The following COL3A1 variants were observed in gnomAD, a reference collection of about 807,000 sequenced individuals.
The protein encoded by COL3A1 is collagen alpha-1(III) chain.
Under a neutral mutation model 200.9 loss-of-function variants are expected in COL3A1, and 46 were observed. That is an observed-to-expected ratio of 0.23 (90% confidence interval 0.18 to 0.29). The LOEUF (loss-of-function observed/expected upper bound fraction) is 0.29, where lower values mean the gene tolerates loss of function less well. COL3A1 is among the 10% of genes least tolerant of loss of function. The pLI is 1.00. For missense variants in COL3A1, 1,367 were observed against 1,917.6 expected, an observed-to-expected ratio of 0.71 and a Z score of 5.36; for synonymous variants, 650 against 628.0, an observed-to-expected ratio of 1.03 and a Z score of -0.52.
In COL3A1 at chr2:188,987,136, A is replaced by G; in HGVS notation, c.525A>G (p.Pro175=). The change falls in exon 5 of 51, where the codon CCA becomes CCG. Residue 175 remains proline, a synonymous_variant. Transcript: ENST00000304636. ...GAGGACTCGCAGGCTATCCTGGACC[A>G]GCTGTACGTACAAATGTTTCTCAGC... The part of the protein sequence containing the change: ...AVGGLAGYPG[P]AGPPGPPGPP... 6.2e-7 allele frequency: 1 copy of G among 1,611,052 alleles called. No individual in the cohort carries two copies. Among genetic ancestry groups the G allele is most frequent in the Non-Finnish European group, 8.5e-7 (1 of 1,177,546 alleles).
chr2:188,975,426 T>C (rs1182403381), intron 1 of COL3A1, among the ~76,000 whole-genome samples: 1 of 152,204 alleles, frequency 6.6e-6, no homozygotes, highest in Non-Finnish European at 1.5e-5. Context: ...TCTCATTATT[T>C]ATGTGAAAAT....
At chr2:189,002,900 C>G in intron 35 of COL3A1, 55 bp from the exon 36 acceptor site, 2 of 1,241,358 alleles carry the variant, frequency 1.6e-6, no homozygotes, top group East Asian at 2.5e-5. Flanking sequence ...TAATAATAAG[C>G]CAATTGTATC....
At chr2:188,988,966 ATATAGT>A (rs903489923) in intron 7 of COL3A1, among the ~76,000 whole-genome samples, 1 of 151,810 alleles carries the variant, frequency 6.6e-6, no homozygotes, top group African/African-American at 2.4e-5. Flanking sequence ...CTACTGATAA[ATATAGT>A]TATATATTTA....
chr2:189,008,965 TCCTGGTGCC>T lies in COL3A1; in HGVS notation c.3574_3582del (p.Ala1192_Gly1194del), dbSNP rs2153504077. ...CAGGGCAACCAGGCCCTCCTGGACC[TCCTGGTGCC>T]CCTGGTCCTTGCTGTGGTGGTGTTG... On this transcript the variant is annotated inframe_deletion, in exon 48 of 51. Transcript: ENST00000304636. 5 of 1,614,176 alleles carry T rather than the reference TCCTGGTGCC, an allele frequency of 3.1e-6. No individual in the cohort carries two copies. The highest frequency in any genetic ancestry group is 4.2e-6 in the Non-Finnish European group (5 of 1,180,028).
rs1485515217 is a variant in COL3A1, at chr2:188,982,959, C to CGT, written c.80-1801_80-1800insGT. On this transcript the variant is annotated intron_variant, in intron 1 of 50. Coordinates refer to ENST00000304636, the MANE Select transcript of COL3A1 (RefSeq NM_000090.4). ...AAAATGAGTTTAATGCATAGACTCA[C>CGT]CTGTTATTACTCTTCACACCAATGT... Among the ~76,000 whole-genome samples, 9 of 139,210 alleles carry CGT rather than the reference C, an allele frequency of 6.5e-5. No homozygotes were observed. In the East Asian group the frequency reaches 1.7e-3, roughly 26 times the overall value. The allele number at this position is 139,210 out of a possible 152,430, so 91.3% of individuals were successfully genotyped here. A position where few individuals can be genotyped will look rare whatever the true frequency, so the allele number is the denominator to read the frequency against.
chr2:188,995,483 T>C, intron 21 of COL3A1: 1 of 560,170 alleles, frequency 1.8e-6, no homozygotes, highest in Non-Finnish European at 3.2e-6. Context: ...ACTGTTTTAT[T>C]AAGCATGTGA....
chr2:189,003,135 C>G, intron 36 of COL3A1, 73 bp downstream of exon 36: 3 of 1,181,814 alleles, frequency 2.5e-6, no homozygotes, highest in Non-Finnish European at 3.7e-6. Context: ...CTATCTCTCC[C>G]TCTCTCTCTC....
At position 188,994,708 on chromosome 2, in the gene COL3A1, C is replaced by T; in HGVS notation, c.1348-16C>T. On this transcript the variant is annotated splice_polypyrimidine_tract_variant and intron_variant, in intron 19 of 50. Transcript: ENST00000304636. The surrounding 1 kb of genome is among the most constrained non-coding windows in gnomAD (Gnocchi z 4.5). ...AGTCATAATTTCTTTATTTTACCAT[C>T]TTTTTTTTTTTTCAGGGTGAGGCTG... The T allele has an allele frequency of 7.4e-7, 1 of 1,352,668 alleles. No homozygotes were observed. The highest frequency in any genetic ancestry group is 1.0e-6 in the Non-Finnish European group (1 of 974,116). The allele number at this position is 1,352,668 out of a possible 1,614,324, so 83.8% of individuals were successfully genotyped here.
Position 189,004,292 on chromosome 2 carries a change from T to G in COL3A1, c.2859T>G (p.Thr953=). Residue 953 remains threonine (T), a synonymous_variant, in exon 40 of 51, where the codon ACT becomes ACG. Coordinates refer to ENST00000304636, the MANE Select transcript of COL3A1 (RefSeq NM_000090.4). ...APGPLGIAGI[T]GARGLAGPPG... ...GCCCACTTGGGATTGCTGGGATCAC[T>G]GGAGCACGGGGTCTTGCAGGACCAC... is the stretch of plus-strand genomic sequence containing the variant. 1 of 1,607,950 alleles carries G rather than the reference T, an allele frequency of 6.2e-7. No individual in the cohort carries two copies. The highest frequency in any genetic ancestry group is 1.1e-5 in the South Asian group (1 of 89,126).
chr2:189,006,840 C>A, intron 43 of COL3A1, 97 bp from the exon 44 acceptor site: 1 of 1,224,288 alleles, frequency 8.2e-7, no homozygotes, highest in Non-Finnish European at 1.2e-6. Context: ...TACTATAATT[C>A]TATTATAATG....
chr2:188,976,292 G>A (rs1284787353), intron 1 of COL3A1, among the ~76,000 whole-genome samples: 1 of 151,864 alleles, frequency 6.6e-6, no homozygotes, highest in Non-Finnish European at 1.5e-5. Context: ...TTAGTGGGGG[G>A]GTGTTTGCCA....
In COL3A1 at chr2:188,994,679, A is replaced by G. The variant is rs766465956; in HGVS notation, c.1348-45A>G. On this transcript the variant is annotated intron_variant, in intron 19 of 50. Transcript: ENST00000304636. This position sits in a 1 kb window ranked among gnomAD's most constrained non-coding sequence, Gnocchi z 4.5. ...TAAACAGGTAAAAACTTTGAACTAA[A>G]TTCAGTCATAATTTCTTTATTTTAC... is the stretch of plus-strand genomic sequence containing the variant. The G allele has an allele frequency of 6.2e-7, 1 of 1,611,860 alleles. No homozygotes were observed. Among genetic ancestry groups the G allele is most frequent in the Non-Finnish European group, 8.5e-7 (1 of 1,178,418 alleles).
intron 40 of COL3A1, among the ~76,000 whole-genome samples, chr2:189,005,136 C>T (rs574540931): frequency 6.6e-6 from 1 of 152,248 alleles, no homozygotes; most frequent in East Asian, 1.9e-4. Context: ...TGTAACTATT[C>T]AGCCCTTTGC....
intron 1 of COL3A1, among the ~76,000 whole-genome samples, chr2:188,979,988 T>C (rs976481057): frequency 6.6e-6 from 1 of 151,608 alleles, no homozygotes; most frequent in African/African-American, 2.4e-5. Flanking sequence ...GCAAAATAGA[T>C]ATTCAAACTA....
At chr2:188,997,131 G>C in intron 24 of COL3A1, 34 bp from the exon 25 acceptor site, 1 of 1,600,768 alleles carries the variant, frequency 6.2e-7, no homozygotes, top group Non-Finnish European at 8.5e-7. Context: ...ATTGCCCTTT[G>C]AGGATTAGTA....
rs1193108024 is a variant in COL3A1, at chr2:188,994,582, A to G, written c.1335A>G (p.Pro445=). The change falls in exon 19 of 51, where the codon CCA becomes CCG. Residue 445 remains proline, a synonymous_variant. Transcript: ENST00000304636. This position sits in a 1 kb window ranked among gnomAD's most constrained non-coding sequence, Gnocchi z 4.5. ...ATGGTGCCAAAGGAGAGCCCGGACC[A>G]CGTGGTGAACGCGTAAGTTTTACTG... ...GKNGAKGEPG[P]RGERGEAGIP... 2 of 1,614,178 alleles carry G rather than the reference A, an allele frequency of 1.2e-6. No homozygotes were observed. Among genetic ancestry groups the G allele is most frequent in the Non-Finnish European group, 1.7e-6 (2 of 1,180,022 alleles).
Position 188,996,024 on chromosome 2 carries a change from T to G in COL3A1, c.1609-101T>G, listed in dbSNP as rs1056314886. Reference sequence around the variant, plus strand: ...GAAAAAAGATGTGCAAATCTGAGGCTTCACATGTAAGTGAAAATATCAAAA... The same window carrying G: ...GAAAAAAGATGTGCAAATCTGAGGCGTCACATGTAAGTGAAAATATCAAAA... On this transcript the variant is annotated intron_variant, in intron 22 of 50. Coordinates refer to ENST00000304636, the MANE Select transcript of COL3A1 (RefSeq NM_000090.4). 13 of 1,223,930 alleles carry G rather than the reference T, an allele frequency of 1.1e-5. No homozygotes were observed. In the Admixed American group the frequency reaches 1.6e-4, roughly 15 times the overall value. 75.8% of individuals were successfully genotyped at this position (1,223,930 alleles called of 1,614,324 possible).
intron 14 of COL3A1, 57 bp downstream of exon 14, chr2:188,992,285 G>A: frequency 6.7e-7 from 1 of 1,487,118 alleles, no homozygotes; most frequent in Non-Finnish European, 9.4e-7. Flanking sequence ...ATGGATTGTG[G>A]ATTATTTAAT....
chr2:188,995,753 C>T lies in COL3A1; in HGVS notation c.1571C>T (p.Pro524Leu), dbSNP rs1440329786. Residue 524 changes from proline to leucine, a missense_variant, in exon 22 of 51, where the codon CCT becomes CTT. Around this residue, in one of 5 missense-constraint regions of COL3A1, gnomAD observed 462 missense variants for 681.4 expected, o/e 0.68. Transcript: ENST00000304636. Reference sequence around the variant, plus strand: ...GGGCCCAGAGGAGCTGCTGGAGAACCTGGCAGAGATGGCGTCCCTGGAGGT... The same window carrying T: ...GGGCCCAGAGGAGCTGCTGGAGAACTTGGCAGAGATGGCGTCCCTGGAGGT... ...PAGPRGAAGE[P>L]GRDGVPGGPG... 6.4e-7 allele frequency: 1 copy of T among 1,567,262 alleles called. No individual in the cohort carries two copies. The highest frequency in any genetic ancestry group is 2.4e-5 in the East Asian group (1 of 42,276).
Sources: allele counts gnomAD v4.1 joint callset (sites outside exome capture counted in the v4.1 genomes callset), GRCh38; gene constraint gnomAD v4.1.1; regional missense constraint gnomAD v4.1.1; non-coding constraint Gnocchi (gnomAD v3.1); transcripts MANE v1.5; gene names NCBI Gene and HGNC (gene_info 2026-07-23, HGNC 2026-07-21).